TPRG1: variants seen among roughly 807,000 people sequenced by gnomAD.
TPRG1 encodes the protein tumor protein p63 regulated 1.
In TPRG1, 29 loss-of-function variants were observed where a neutral mutation model predicts 29.3. That is an observed-to-expected ratio of 0.99 (90% CI 0.74 to 1.35). TPRG1 has a LOEUF of 1.35. Among genes scored for constraint, TPRG1 ranks in the 40% most tolerant of loss-of-function variants. The pLI, the probability that TPRG1 is intolerant of heterozygous loss-of-function variation, is 0.00. For missense variants in TPRG1, 327 were observed against 335.0 expected (o/e 0.98, Z 0.19); for synonymous variants, 130 against 116.8 (o/e 1.11, Z -0.73).
chr3:189,087,002 AAT>A (rs1266723500), intron 4 of TPRG1, among the ~76,000 whole-genome samples: 1 of 152,184 alleles, frequency 6.6e-6, no homozygotes, highest in Non-Finnish European at 1.5e-5. Flanking sequence ...CATGATTTAT[AAT>A]CCTTTGGGTA....
chr3:189,083,245 G>A (rs1211422297), intron 4 of TPRG1, among the ~76,000 whole-genome samples: 1 of 152,166 alleles, frequency 6.6e-6, no homozygotes, highest in Non-Finnish European at 1.5e-5. Flanking sequence ...ACATCCTTGG[G>A]GCCAGAGGCC....
In TPRG1 at chr3:189,158,587, C is replaced by T. The variant is rs529494372; in HGVS notation, c.-10+7715C>T. ...TTGCGCCACTGCACTCCAGCCTGGG[C>T]GACAAAGTAATACTCCATCTCAAAA... is the stretch of plus-strand genomic sequence containing the variant. On this transcript the variant is annotated intron_variant, in intron 5 of 6. Transcript: ENST00000412373. Among the ~76,000 whole-genome samples the T allele has an allele frequency of 1.3e-4, 20 of 151,764 alleles. No individual in the cohort carries two copies. The East Asian group carries it at 2.1e-3, about 16-fold the overall frequency.
intron 4 of TPRG1, among the ~76,000 whole-genome samples, chr3:189,293,440 T>C (rs1719348641): frequency 6.6e-6 from 1 of 152,018 alleles, no homozygotes; most frequent in Non-Finnish European, 1.5e-5. Context: ...TGAAAAGGGA[T>C]TGCCAGAGGG....
At position 189,254,213 on chromosome 3, in the gene TPRG1, G is replaced by A. The variant is rs190263548; in HGVS notation, c.479+15304G>A. 1.3e-3 allele frequency among the ~76,000 whole-genome samples: 204 copies of A among 152,262 alleles called. 1 individual carries two copies. The highest frequency in any genetic ancestry group is 4.4e-3 in the African/African-American group (184 of 41,544). On this transcript the variant is annotated intron_variant, in intron 4 of 5. Transcript: ENST00000345063. ...AATTTTTGTATGAAGTGTAAGGAAG[G>A]GGTCCAGTTTCAGTTTTCTGCATAT...
intron 4 of TPRG1, among the ~76,000 whole-genome samples, chr3:189,082,149 TA>T (rs1717636470): frequency 6.6e-6 from 1 of 152,148 alleles, no homozygotes; most frequent in Non-Finnish European, 1.5e-5. Flanking sequence ...GGTGAAAACA[TA>T]AGAGGGTGTG....
intron 3 of TPRG1, among the ~76,000 whole-genome samples, chr3:189,231,943 TTG>T (rs10576562): frequency 0.069 from 10,101 of 147,346 alleles, 396 homozygotes; most frequent in South Asian, 0.18. Flanking sequence ...CAAACCTGGT[TTG>T]TGTGTGTGTG....
chr3:189,020,225 A>G (rs1418957134), intron 3 of TPRG1, among the ~76,000 whole-genome samples: 3 of 148,260 alleles, frequency 2.0e-5, no homozygotes, highest in Admixed American at 6.7e-5. Flanking sequence ...TTGTGTCTCT[A>G]TTTCCTTCAG....
chr3:189,274,935 A>AGTGTGTGTGTGTGTGTGT (rs57386934), intron 4 of TPRG1, among the ~76,000 whole-genome samples: 1 of 137,646 alleles, frequency 7.3e-6, no homozygotes, highest in East Asian at 2.1e-4. Flanking sequence ...TAATGTAATG[A>AGTGTGTGTGTGTGTGTGT]GTGTGTGTGT....
Position 189,323,326 on chromosome 3 carries a change from T to C in TPRG1, c.*2506T>C, listed in dbSNP as rs1724473221. ...TCTTAGGAAAGAGTTGGATCAATCATGGGAGACCCTGAAAAATTTCCTTAC... is the reference window on the plus strand; with the variant it reads ...TCTTAGGAAAGAGTTGGATCAATCACGGGAGACCCTGAAAAATTTCCTTAC... On this transcript the variant is annotated 3_prime_UTR_variant, in exon 6 of 6. Coordinates refer to ENST00000345063, the MANE Select transcript of TPRG1 (RefSeq NM_198485.4). 1 of 152,150 alleles carries C rather than the reference T, an allele frequency of 6.6e-6. No homozygotes were observed. The highest frequency in any genetic ancestry group is 2.4e-5 in the African/African-American group (1 of 41,448). 9.4% of individuals were successfully genotyped at this position (152,150 alleles called of 1,614,324 possible). A position where few individuals can be genotyped will look rare whatever the true frequency, so the allele number is the denominator to read the frequency against.
chr3:189,159,332 G>T (rs899825576), intron 5 of TPRG1, among the ~76,000 whole-genome samples: 2 of 152,140 alleles, frequency 1.3e-5, no homozygotes, highest in Non-Finnish European at 2.9e-5. Flanking sequence ...CAGGTGTGTG[G>T]CATATCCTAC....
chr3:189,210,118 T>C (rs1178041309), intron 2 of TPRG1, among the ~76,000 whole-genome samples: 1 of 152,124 alleles, frequency 6.6e-6, no homozygotes, highest in African/African-American at 2.4e-5. Context: ...GAGAAATGTG[T>C]GTGTCTGTGT....
At chr3:189,301,122 C>T (rs562935817) in intron 4 of TPRG1, among the ~76,000 whole-genome samples, 4 of 151,726 alleles carry the variant, frequency 2.6e-5, no homozygotes, top group Admixed American at 2.0e-4. Flanking sequence ...ACAGTGAAAC[C>T]CTGTCTCTAC....
chr3:189,301,141 C>CA (rs1388797945), intron 4 of TPRG1, among the ~76,000 whole-genome samples: 3 of 150,672 alleles, frequency 2.0e-5, no homozygotes, highest in African/African-American at 7.3e-5. Flanking sequence ...ACTAAAAATA[C>CA]AAAAAAAATT....
At chr3:189,252,145 C>T (rs1305976540) in intron 4 of TPRG1, among the ~76,000 whole-genome samples, 3 of 152,052 alleles carry the variant, frequency 2.0e-5, no homozygotes, top group Non-Finnish European at 2.9e-5. Flanking sequence ...CATCTTGCAC[C>T]GCCCTTAATC....
chr3:189,057,242 T>C (rs909178905), intron 4 of TPRG1, among the ~76,000 whole-genome samples: 3 of 152,178 alleles, frequency 2.0e-5, no homozygotes, highest in African/African-American at 7.2e-5. Flanking sequence ...TGCCAGCACA[T>C]GATGTATGCT....
At chr3:189,301,033 C>A (rs1720741746) in intron 4 of TPRG1, among the ~76,000 whole-genome samples, 1 of 152,102 alleles carries the variant, frequency 6.6e-6, no homozygotes, top group Non-Finnish European at 1.5e-5. Flanking sequence ...CACGGTGGCT[C>A]ATGCCTGTAA....
At chr3:189,022,857 C>A (rs1440086138) in intron 3 of TPRG1, among the ~76,000 whole-genome samples, 1 of 152,242 alleles carries the variant, frequency 6.6e-6, no homozygotes, top group Non-Finnish European at 1.5e-5. Flanking sequence ...TGATCTCAGA[C>A]TGCTGTGCTA....
intron 5 of TPRG1, among the ~76,000 whole-genome samples, chr3:189,151,514 A>G (rs1725932602): frequency 6.6e-6 from 1 of 152,100 alleles, no homozygotes; most frequent in South Asian, 2.1e-4. Flanking sequence ...GTTGTAAGAA[A>G]GAGAAACCTA....
chr3:189,152,033 T>C (rs1726001894), intron 5 of TPRG1, among the ~76,000 whole-genome samples: 1 of 152,112 alleles, frequency 6.6e-6, no homozygotes, highest in African/African-American at 2.4e-5. Flanking sequence ...AATAGGAGTA[T>C]GGTCTGGATT....
Sources: allele counts gnomAD v4.1 joint callset (sites outside exome capture counted in the v4.1 genomes callset), GRCh38; gene constraint gnomAD v4.1.1; transcripts MANE v1.5; gene names NCBI Gene and HGNC (gene_info 2026-07-23, HGNC 2026-07-21).